ECE1: variants seen among roughly 807,000 people sequenced by gnomAD.
The protein encoded by ECE1 is endothelin converting enzyme 1.
ECE1 carries 35 observed loss-of-function variants against 98.6 expected under a neutral mutation model. That is an observed-to-expected ratio of 0.35 (90% CI 0.27 to 0.47). The LOEUF is 0.47. Ranked by LOEUF, ECE1 falls within the 20% of genes least tolerant of loss-of-function variation. The pLI is 1.00. For synonymous variants in ECE1, 394 were observed against 407.1 expected, an observed-to-expected ratio of 0.97 and a Z score of 0.39; for missense variants, 814 against 1,025.3, an observed-to-expected ratio of 0.79 and a Z score of 2.81.
At chr1:21,331,945 A>C (rs1639208088) in intron 1 of ECE1, among the ~76,000 whole-genome samples, 1 of 152,110 alleles carries the variant, frequency 6.6e-6, no homozygotes, top group South Asian at 2.1e-4. Flanking sequence ...ACAAGGAAAC[A>C]TCAAACATCA....
intron 5 of ECE1, among the ~76,000 whole-genome samples, chr1:21,259,188 T>G (rs1422034388): frequency 6.6e-6 from 1 of 152,226 alleles, no homozygotes; most frequent in Non-Finnish European, 1.5e-5. Flanking sequence ...TAAATTCAAT[T>G]GTGCCTCTGG....
At chr1:21,325,612 T>C (rs1356565053) in intron 1 of ECE1, among the ~76,000 whole-genome samples, 2 of 152,178 alleles carry the variant, frequency 1.3e-5, no homozygotes. Context: ...CTTGGCCGAG[T>C]CACCTCACCT....
Position 21,272,876 on chromosome 1 carries a change from A to G in ECE1, c.316T>C (p.Ser106Pro). 1 of 1,614,220 alleles carries G rather than the reference A, an allele frequency of 6.2e-7. No homozygotes were observed. Residue 106 changes from serine (S) to proline (P), a missense_variant, in exon 4 of 19, where the codon TCA becomes CCA. Ser to Pro is a moderately conservative substitution (Grantham distance 74). Coordinates refer to ENST00000374893, the MANE Select transcript of ECE1 (RefSeq NM_001397.3). ...GAGCTCAAGATGGAGCTGGTCACTG[A>G]GACACAAGCTTCGCTCAGGCACACA... ...PSVCLSEACVSVTSSILSSMD... is the reference protein window; with the variant it reads ...PSVCLSEACVPVTSSILSSMD...
intron 1 of ECE1, among the ~76,000 whole-genome samples, chr1:21,313,122 C>T (rs1638763162): frequency 6.6e-6 from 1 of 152,132 alleles, no homozygotes; most frequent in Non-Finnish European, 1.5e-5. Context: ...CCCCACTATT[C>T]CCTCCTGGAC....
At chr1:21,262,109 C>T (rs560370609) in intron 4 of ECE1, among the ~76,000 whole-genome samples, 1 of 152,102 alleles carries the variant, frequency 6.6e-6, no homozygotes. Flanking sequence ...GTCTTGCTGA[C>T]CTCAGGGTGA....
chr1:21,273,816 T>C (rs1266941952), intron 3 of ECE1, among the ~76,000 whole-genome samples: 1 of 152,136 alleles, frequency 6.6e-6, no homozygotes, highest in Non-Finnish European at 1.5e-5. Context: ...GATCGAGCCA[T>C]TGCACTCAAT....
chr1:21,239,012 T>G (rs1036046402), intron 10 of ECE1, among the ~76,000 whole-genome samples: 2 of 151,878 alleles, frequency 1.3e-5, no homozygotes, highest in Middle Eastern at 3.4e-3. Context: ...TTTTTTTTTT[T>G]TGTGGAGACA....
intron 10 of ECE1, among the ~76,000 whole-genome samples, chr1:21,239,368 C>T (rs12070489): frequency 5.4e-4 from 82 of 152,300 alleles, no homozygotes; most frequent in African/African-American, 1.5e-3. Context: ...ATCCCTCGTA[C>T]GACAGAGGAA....
chr1:21,325,043 G>A (rs1639049036), intron 1 of ECE1, among the ~76,000 whole-genome samples: 1 of 152,200 alleles, frequency 6.6e-6, no homozygotes, highest in South Asian at 2.1e-4. Context: ...TTTGTTGTGG[G>A]TTTCCTTCTC....
rs28367968 is a variant in ECE1 at position 21,268,361 on chromosome 1, G to C, written c.493+4338C>G. Among the ~76,000 whole-genome samples, 301 of 152,242 alleles carry C rather than the reference G, an allele frequency of 2.0e-3. 2 individuals carry two copies. The East Asian group carries it at 0.041, about 21-fold the overall frequency. On this transcript the variant is annotated intron_variant, in intron 4 of 18. Transcript: ENST00000374893. ...AAGGACAGCCCATGCTGGCCACTTG[G>C]GGGAGTGGCAGAGTGAGGTGCGAGG...
chr1:21,234,318 G>A (rs1388632565), intron 13 of ECE1, among the ~76,000 whole-genome samples: 1 of 151,314 alleles, frequency 6.6e-6, no homozygotes, highest in East Asian at 1.9e-4. Context: ...TGGCAAGTGT[G>A]GCTTTTAAAT....
rs1379050040 is a variant in ECE1, at chr1:21,258,304, C to T, written c.762+389G>A. On this transcript the variant is annotated intron_variant, in intron 6 of 18. Transcript: ENST00000374893. This position sits in a 1 kb window ranked among gnomAD's most constrained non-coding sequence, Gnocchi z 4.2. ...TGGGGCAGACCAGTGCTGGAGCTCC[C>T]CTGGGCAGGCTGAGCCTCTGTCTGG... Among the ~76,000 whole-genome samples, 1 of 152,178 alleles carries T rather than the reference C, an allele frequency of 6.6e-6. No homozygotes were observed. The highest frequency in any genetic ancestry group is 1.5e-5 in the Non-Finnish European group (1 of 68,036).
In ECE1 at chr1:21,319,359, C is replaced by A. The variant is rs4991787; in HGVS notation, c.3+26017G>T. On this transcript the variant is annotated intron_variant, in intron 1 of 18. Coordinates refer to the ECE1 transcript ENST00000415912. The surrounding 1 kb of genome is among the most constrained non-coding windows in gnomAD (Gnocchi z 4.4). Reference sequence around the variant, plus strand: ...GACTCCGTCTCAAAATAATAATAATCATAATCATAATCATAATCATAATCA... The same window carrying A: ...GACTCCGTCTCAAAATAATAATAATAATAATCATAATCATAATCATAATCA... Among the ~76,000 whole-genome samples the A allele has an allele frequency of 2.6e-3, 356 of 139,576 alleles. 2 individuals carry two copies. The highest frequency in any genetic ancestry group is 6.4e-3 in the African/African-American group (242 of 38,050). 91.6% of individuals were successfully genotyped at this position (139,576 alleles called of 152,430 possible). A position where few individuals can be genotyped will look rare whatever the true frequency, so the allele number is the denominator to read the frequency against.
chr1:21,320,249 G>A (rs932990849), intron 1 of ECE1, among the ~76,000 whole-genome samples: 8 of 152,132 alleles, frequency 5.3e-5, no homozygotes, highest in Non-Finnish European at 1.0e-4. Context: ...GGCTCCAGCC[G>A]TCAACAGCTG....
chr1:21,272,603 G>GCTC lies in ECE1; in HGVS notation c.493+93_493+95dup, dbSNP rs879758724. The GCTC allele has an allele frequency of 7.4e-6, 11 of 1,479,842 alleles. No individual in the cohort carries two copies. The Admixed American group carries it at 1.9e-4, about 25-fold the overall frequency. The allele number at this position is 1,479,842 out of a possible 1,614,324, so 91.7% of individuals were successfully genotyped here. A position where few individuals can be genotyped will look rare whatever the true frequency, so the allele number is the denominator to read the frequency against. Reference sequence around the variant, plus strand: ...CACCGTGCCCGGCCCATTCTGCCAAGCTCCTCCTTTAAGCAGGCGCAGCTG... The same window carrying GCTC: ...CACCGTGCCCGGCCCATTCTGCCAAGCTCCTCCTCCTTTAAGCAGGCGCAGCTG... On this transcript the variant is annotated intron_variant, in intron 4 of 18. Transcript: ENST00000374893.
At chr1:21,329,241 T>C (rs1639144720) in intron 1 of ECE1, among the ~76,000 whole-genome samples, 1 of 152,188 alleles carries the variant, frequency 6.6e-6, no homozygotes, top group Non-Finnish European at 1.5e-5. Flanking sequence ...CAATGAAACT[T>C]GCATTTGTAA....
chr1:21,264,023 G>A (rs2098230591), intron 4 of ECE1, among the ~76,000 whole-genome samples: 1 of 152,198 alleles, frequency 6.6e-6, no homozygotes, highest in Non-Finnish European at 1.5e-5. Context: ...CGGCAGAGAA[G>A]GGGGCGAGAA....
chr1:21,245,360 T>C (rs1258294986), intron 9 of ECE1, among the ~76,000 whole-genome samples: 6 of 152,214 alleles, frequency 3.9e-5, no homozygotes, highest in Non-Finnish European at 7.3e-5. Context: ...GCTCAATAAA[T>C]GCTTGTTGCC....
Position 21,225,577 on chromosome 1 carries a change from G to T in ECE1, c.1850-137C>A, listed in dbSNP as rs2098173093. On this transcript the variant is annotated intron_variant, in intron 16 of 18. Transcript: ENST00000374893. The surrounding 1 kb of genome is among the most constrained non-coding windows in gnomAD (Gnocchi z 5.3). ...GCCACCATGGGGAGACGAGGTCCCTGTGAGTGCCGAGGGACGTGGATGTGG... is the reference window on the plus strand; with the variant it reads ...GCCACCATGGGGAGACGAGGTCCCTTTGAGTGCCGAGGGACGTGGATGTGG... 5 of 980,254 alleles carry T rather than the reference G, an allele frequency of 5.1e-6. No individual in the cohort carries two copies. In the East Asian group the frequency reaches 1.3e-4, roughly 26 times the overall value. The allele number at this position is 980,254 out of a possible 1,614,324, so 60.7% of individuals were successfully genotyped here. A position where few individuals can be genotyped will look rare whatever the true frequency, so the allele number is the denominator to read the frequency against.
Sources: gnomAD v4.1 joint callset for allele counts (sites outside exome capture counted in the v4.1 genomes callset) on GRCh38, gnomAD v4.1.1 for gene constraint, Gnocchi (gnomAD v3.1) non-coding constraint, MANE v1.5 for transcripts, NCBI Gene and HGNC (gene_info 2026-07-23, HGNC 2026-07-21) for gene names.